The following ASIC2 variants were observed in gnomAD, a reference collection of about 807,000 sequenced individuals.
ASIC2 encodes the protein acid sensing ion channel subunit 2.
A neutral mutation model predicts 57.3 loss-of-function variants in ASIC2; 25 were observed. The observed-to-expected ratio is 0.44, with a 90% CI of 0.32 to 0.61. The LOEUF (loss-of-function observed/expected upper bound fraction) is 0.61. Ranked by LOEUF, ASIC2 falls within the 20% of genes least tolerant of loss-of-function variation. ASIC2 has a pLI of 0.06. For synonymous variants in ASIC2, 319 were observed against 307.5 expected, an observed-to-expected ratio of 1.04 and a Z score of -0.39; for missense variants, 641 against 738.1, an observed-to-expected ratio of 0.87 and a Z score of 1.52.
chr17:33,818,040 T>C (rs1480640627), intron 1 of ASIC2, among the ~76,000 whole-genome samples: 1 of 152,190 alleles, frequency 6.6e-6, no homozygotes, highest in Non-Finnish European at 1.5e-5. Context: ...GCTGCATCTT[T>C]TATTGACCAG....
intron 1 of ASIC2, among the ~76,000 whole-genome samples, chr17:33,458,927 C>G (rs890631562): frequency 6.6e-6 from 1 of 151,908 alleles, no homozygotes; most frequent in African/African-American, 2.4e-5. Context: ...GGTTTCTGTC[C>G]GACTGAACCT....
chr17:33,854,871 G>T (rs956617207), intron 1 of ASIC2, among the ~76,000 whole-genome samples: 2 of 152,070 alleles, frequency 1.3e-5, no homozygotes, highest in African/African-American at 2.4e-5. Flanking sequence ...GGTTATTAGT[G>T]TTTAAAAAAA....
rs189295872 is a variant in ASIC2 at position 33,280,663 on chromosome 17, T to C, written c.708+10745A>G. On this transcript the variant is annotated intron_variant, in intron 1 of 9. Coordinates refer to ENST00000225823, the MANE Select transcript of ASIC2 (RefSeq NM_183377.2). ...ATCCAAATCATCTTTCAAATCCATGTGCAGGGAGCGTAAAGAGATAGTGTA... is the reference window on the plus strand; with the variant it reads ...ATCCAAATCATCTTTCAAATCCATGCGCAGGGAGCGTAAAGAGATAGTGTA... Among the ~76,000 whole-genome samples the C allele has an allele frequency of 4.2e-3, 636 of 152,354 alleles. 2 individuals carry two copies. Among genetic ancestry groups the C allele is most frequent in the Non-Finnish European group, 7.2e-3 (487 of 68,032 alleles).
chr17:33,249,313 T>C (rs1020793932), intron 1 of ASIC2, among the ~76,000 whole-genome samples: 1 of 151,840 alleles, frequency 6.6e-6, no homozygotes, highest in African/African-American at 2.4e-5. Context: ...CATGGAGATG[T>C]TGAGTAGGTA....
chr17:33,948,693 A>G (rs1338570143), intron 1 of ASIC2, among the ~76,000 whole-genome samples: 1 of 152,188 alleles, frequency 6.6e-6, no homozygotes, highest in African/African-American at 2.4e-5. Flanking sequence ...TCGGCAAATG[A>G]CTTTTCCTCT....
intron 1 of ASIC2, among the ~76,000 whole-genome samples, chr17:33,809,602 C>T (rs1485178313): frequency 2.0e-5 from 3 of 152,166 alleles, no homozygotes; most frequent in Non-Finnish European, 2.9e-5. Flanking sequence ...GCACATGGAA[C>T]TCGTGAGTTG....
rs531186034 is a variant in ASIC2, at chr17:33,809,441, C to T, written c.555+346537G>A. ...TCTGAGTGCCAATACCTGAAACTTGCCCTGAGATTGGATGATTGATTGTGC... is the reference window on the plus strand; with the variant it reads ...TCTGAGTGCCAATACCTGAAACTTGTCCTGAGATTGGATGATTGATTGTGC... On this transcript the variant is annotated intron_variant, in intron 1 of 9. Coordinates refer to the ASIC2 transcript ENST00000359872. Among the ~76,000 whole-genome samples the T allele has an allele frequency of 5.9e-5, 9 of 152,296 alleles. 1 individual carries two copies. In the South Asian group the frequency reaches 1.9e-3, roughly 32 times the overall value.
intron 1 of ASIC2, among the ~76,000 whole-genome samples, chr17:33,389,836 G>T (rs191011838): frequency 6.6e-6 from 1 of 152,180 alleles, no homozygotes; most frequent in African/African-American, 2.4e-5. Flanking sequence ...GGGAAATGAG[G>T]CTTGAGCACA....
At chr17:33,833,129 T>C (rs947108075) in intron 1 of ASIC2, among the ~76,000 whole-genome samples, 1 of 152,182 alleles carries the variant, frequency 6.6e-6, no homozygotes, top group African/African-American at 2.4e-5. Context: ...GAGGCTGCAT[T>C]GGAAATACGA....
Position 33,561,596 on chromosome 17 carries a change from G to A in ASIC2, c.556-449529C>T, listed in dbSNP as rs114430344. ...CACTGTCTGCATCGTTTGGAGTGCT[G>A]CAATTTGTAGAACACCATCCATTTT... is the stretch of plus-strand genomic sequence containing the variant. On this transcript the variant is annotated intron_variant, in intron 1 of 9. Coordinates refer to the ASIC2 transcript ENST00000359872. Among the ~76,000 whole-genome samples, 1,250 of 152,270 alleles carry A rather than the reference G, an allele frequency of 8.2e-3. 22 individuals are homozygous for A. Among genetic ancestry groups the A allele is most frequent in the African/African-American group, 0.029 (1,206 of 41,540 alleles).
chr17:33,805,615 G>C (rs1358646959), intron 1 of ASIC2, among the ~76,000 whole-genome samples: 1 of 152,186 alleles, frequency 6.6e-6, no homozygotes, highest in Non-Finnish European at 1.5e-5. Flanking sequence ...CTCTTATATG[G>C]TGAGTAAAAG....
At chr17:33,579,242 C>G (rs188110377) in intron 1 of ASIC2, among the ~76,000 whole-genome samples, 466 of 148,448 alleles carry the variant, frequency 3.1e-3, no homozygotes, top group Middle Eastern at 0.024. Flanking sequence ...GCCAAAATCA[C>G]ACCATTGCAC....
intron 1 of ASIC2, among the ~76,000 whole-genome samples, chr17:33,775,547 G>A (rs920840904): frequency 3.3e-4 from 50 of 152,230 alleles, no homozygotes; most frequent in African/African-American, 1.2e-3. Context: ...TAAAATCTGT[G>A]TGGGAGTTAA....
intron 3 of ASIC2, among the ~76,000 whole-genome samples, chr17:33,055,782 C>T (rs1009648936): frequency 2.6e-5 from 4 of 152,072 alleles, no homozygotes; most frequent in African/African-American, 7.2e-5. Flanking sequence ...CCTCTCTTCA[C>T]GGGAATCATA....
At chr17:33,769,998 A>T (rs1911047635) in intron 1 of ASIC2, among the ~76,000 whole-genome samples, 1 of 152,214 alleles carries the variant, frequency 6.6e-6, no homozygotes, top group Admixed American at 6.5e-5. Context: ...GGGGACACAA[A>T]CATTCAGTTC....
rs762487920 is a variant in ASIC2 at position 33,969,518 on chromosome 17, T to G, written c.555+186460A>C. Among the ~76,000 whole-genome samples the G allele has an allele frequency of 4.3e-4, 66 of 152,048 alleles. 1 individual carries two copies. Among genetic ancestry groups the G allele is most frequent in the Non-Finnish European group, 8.8e-5 (6 of 68,000 alleles). On this transcript the variant is annotated intron_variant, in intron 1 of 9. Transcript: ENST00000359872. ...GGTCCCAAGTGACATCAGCAGAGGATCTGGGGAACAAGAAAGGGGAAGGCA... is the reference window on the plus strand; with the variant it reads ...GGTCCCAAGTGACATCAGCAGAGGAGCTGGGGAACAAGAAAGGGGAAGGCA...
At chr17:33,376,298 G>A (rs1178673647) in intron 1 of ASIC2, among the ~76,000 whole-genome samples, 2 of 151,838 alleles carry the variant, frequency 1.3e-5, no homozygotes, top group Admixed American at 1.3e-4. Context: ...AGCTAATGGG[G>A]TGCTCCTTTG....
At chr17:33,379,588 G>A (rs1597706096) in intron 1 of ASIC2, among the ~76,000 whole-genome samples, 2 of 152,236 alleles carry the variant, frequency 1.3e-5, no homozygotes, top group African/African-American at 4.8e-5. Flanking sequence ...CCTCCCTCTC[G>A]CACCTTGTGC....
chr17:33,207,106 T>C (rs948413315), intron 1 of ASIC2, among the ~76,000 whole-genome samples: 2 of 152,212 alleles, frequency 1.3e-5, no homozygotes, highest in Non-Finnish European at 2.9e-5. Flanking sequence ...GAGCATTAAC[T>C]ATATGCCAGG....
Sources: gnomAD v4.1 joint callset for allele counts (sites outside exome capture counted in the v4.1 genomes callset) on GRCh38, gnomAD v4.1.1 for gene constraint, MANE v1.5 for transcripts, NCBI Gene and HGNC (gene_info 2026-07-23, HGNC 2026-07-21) for gene names.